Variants in AGMO observed in about 807,000 individuals in gnomAD.
AGMO encodes alkylglycerol monooxygenase.
AGMO carries 75 observed loss-of-function variants against 60.2 expected under a neutral mutation model. That is an observed-to-expected ratio of 1.25 (90% CI 1.03 to 1.51). The LOEUF (loss-of-function observed/expected upper bound fraction) is 1.51, where lower values mean the gene tolerates loss of function less well. Among genes scored for constraint, AGMO ranks in the 40% most tolerant of loss-of-function variants. The pLI is 0.00. For missense variants in AGMO, 763 were observed against 525.5 expected (o/e 1.45, Z -4.42); for synonymous variants, 261 against 177.1 (o/e 1.47, Z -3.76).
At chr7:15,123,677 A>T in the AGMO span, among the ~76,000 whole-genome samples, 12 of 152,218 alleles carry the variant, frequency 7.9e-5, no homozygotes, top group Admixed American at 2.6e-4. Context: ...TGAACATAAG[A>T]TAAATTAGAA....
intron 3 of AGMO, among the ~76,000 whole-genome samples, chr7:15,440,665 C>T (rs1168358449): frequency 1.3e-5 from 2 of 152,036 alleles, no homozygotes; most frequent in Non-Finnish European, 2.9e-5. Context: ...GTGTGAGAGC[C>T]GAGAGAGCTC....
At chr7:15,335,144 T>G (rs1171832765) in intron 12 of AGMO, among the ~76,000 whole-genome samples, 1 of 152,152 alleles carries the variant, frequency 6.6e-6, no homozygotes, top group Non-Finnish European at 1.5e-5. Context: ...TCTTAACTGG[T>G]TTCGTGTAAA....
intron 5 of AGMO, among the ~76,000 whole-genome samples, chr7:15,415,609 G>C (rs1372509019): frequency 6.6e-6 from 1 of 151,934 alleles, no homozygotes; most frequent in African/African-American, 2.4e-5. Flanking sequence ...TTATTTATCT[G>C]CTACATTTCT....
intron 3 of AGMO, among the ~76,000 whole-genome samples, chr7:15,495,669 T>C (rs1318856296): frequency 6.6e-6 from 1 of 152,156 alleles, no homozygotes; most frequent in African/African-American, 2.4e-5. Flanking sequence ...CAAGTGACAT[T>C]TATTTCTCAC....
chr7:15,390,231 T>C (rs1293393571), intron 8 of AGMO, among the ~76,000 whole-genome samples: 2 of 152,098 alleles, frequency 1.3e-5, no homozygotes, highest in Non-Finnish European at 2.9e-5. Flanking sequence ...TTAACCAATC[T>C]GTAATAGTTC....
the AGMO span, among the ~76,000 whole-genome samples, chr7:15,127,389 T>C: frequency 2.0e-5 from 3 of 152,148 alleles, no homozygotes; most frequent in East Asian, 3.9e-4. Flanking sequence ...TAACAAAAAT[T>C]TTCTCAACCT....
At chr7:15,316,531 C>A (rs1335354339) in intron 12 of AGMO, among the ~76,000 whole-genome samples, 1 of 152,118 alleles carries the variant, frequency 6.6e-6, no homozygotes, top group African/African-American at 2.4e-5. Context: ...GGAAGTGTTA[C>A]AGGCCCTAGG....
At chr7:15,373,405 G>GA (rs1017860181) in intron 10 of AGMO, among the ~76,000 whole-genome samples, 5 of 152,014 alleles carry the variant, frequency 3.3e-5, no homozygotes, top group Non-Finnish European at 7.4e-5. Context: ...AAATAGATGG[G>GA]AAAAAAATAC....
intron 4 of AGMO, among the ~76,000 whole-genome samples, chr7:15,430,600 T>G: frequency 7.2e-6 from 1 of 139,618 alleles, no homozygotes; most frequent in East Asian, 2.0e-4. Context: ...TAGTTGTTTT[T>G]TTTAAAAAAA....
intron 10 of AGMO, among the ~76,000 whole-genome samples, chr7:15,369,968 T>C (rs1215671314): frequency 6.6e-6 from 1 of 152,172 alleles, no homozygotes; most frequent in Admixed American, 6.5e-5. Flanking sequence ...CATTAGTATA[T>C]TGCCTGATGC....
chr7:15,464,948 C>T (rs1782238503), intron 3 of AGMO, among the ~76,000 whole-genome samples: 1 of 152,238 alleles, frequency 6.6e-6, no homozygotes, highest in African/African-American at 2.4e-5. Context: ...GTGTTCACTG[C>T]GACTAGCAAG....
intron 1 of AGMO, 62 bp from the exon 2 acceptor site, chr7:15,560,333 C>T: frequency 6.5e-7 from 1 of 1,542,614 alleles, no homozygotes; most frequent in East Asian, 2.3e-5. Context: ...TTTTACATTT[C>T]CTGATTAGTC....
At chr7:15,475,901 T>C (rs767194610) in intron 3 of AGMO, among the ~76,000 whole-genome samples, 5 of 152,078 alleles carry the variant, frequency 3.3e-5, no homozygotes, top group Non-Finnish European at 7.4e-5. Context: ...GATCTAAACA[T>C]ATTTACTCAT....
chr7:15,511,473 T>A (rs1404222652), intron 3 of AGMO, among the ~76,000 whole-genome samples: 1 of 152,052 alleles, frequency 6.6e-6, no homozygotes, highest in Admixed American at 6.6e-5. Flanking sequence ...GAGTGGTGGT[T>A]ATTAGGAGCT....
intron 3 of AGMO, among the ~76,000 whole-genome samples, chr7:15,527,673 T>A (rs1333928998): frequency 6.6e-6 from 1 of 152,204 alleles, no homozygotes; most frequent in Non-Finnish European, 1.5e-5. Context: ...TGGAAGAAGA[T>A]GCAATCTACA....
chr7:15,393,108 C>A (rs565524342), intron 6 of AGMO, among the ~76,000 whole-genome samples: 1 of 152,312 alleles, frequency 6.6e-6, no homozygotes, highest in Admixed American at 6.5e-5. Flanking sequence ...AATCATAAAT[C>A]AAGGACTTTC....
At chr7:15,302,978 TATTCAG>T (rs111967251) in intron 12 of AGMO, among the ~76,000 whole-genome samples, 1 of 152,324 alleles carries the variant, frequency 6.6e-6, no homozygotes, top group African/African-American at 2.4e-5. Context: ...AACTTGGTTG[TATTCAG>T]TGAGTAAATC....
chr7:15,389,662 G>C (rs1784059357), intron 8 of AGMO, among the ~76,000 whole-genome samples: 1 of 152,128 alleles, frequency 6.6e-6, no homozygotes, highest in South Asian at 2.1e-4. Flanking sequence ...AGCAAATCTT[G>C]GGCTTAGCCT....
At chr7:15,163,295 C>T in the AGMO span, among the ~76,000 whole-genome samples, 2 of 152,010 alleles carry the variant, frequency 1.3e-5, no homozygotes, top group Admixed American at 6.6e-5. Flanking sequence ...TCCACTTTTC[C>T]AATTTGCATG....
Sources: allele counts gnomAD v4.1 joint callset (sites outside exome capture counted in the v4.1 genomes callset), GRCh38; gene constraint gnomAD v4.1.1; transcripts MANE v1.5; gene names NCBI Gene and HGNC (gene_info 2026-07-23, HGNC 2026-07-21).